The following VPS41 variants were observed in gnomAD, a reference collection of about 807,000 sequenced individuals.
The protein encoded by VPS41 is vacuolar protein sorting-associated protein 41 homolog.
Under a neutral mutation model 130.9 loss-of-function variants are expected in VPS41, and 85 were observed. The ratio of observed to expected loss-of-function variants is 0.65; its 90% CI spans 0.55 to 0.78. The LOEUF (loss-of-function observed/expected upper bound fraction) is 0.78, where lower values mean the gene tolerates loss of function less well. Ranked by LOEUF, VPS41 falls within the 30% of genes least tolerant of loss-of-function variation. The probability of loss-of-function intolerance (pLI) is 0.00; values close to 1 mark genes in which losing one functional copy is unlikely to be tolerated. For missense variants in VPS41, 874 were observed against 1,018.7 expected (o/e 0.86, Z 1.93); for synonymous variants, 335 against 332.9 (o/e 1.01, Z -0.07).
At chr7:38,777,715 T>C (rs952314301) in intron 10 of VPS41, among the ~76,000 whole-genome samples, 3 of 152,186 alleles carry the variant, frequency 2.0e-5, no homozygotes, top group Admixed American at 2.0e-4. Flanking sequence ...TCTCCACGGT[T>C]CTGTGGTATT....
intron 7 of VPS41, among the ~76,000 whole-genome samples, chr7:38,812,346 A>G (rs1474778365): frequency 1.3e-5 from 2 of 152,168 alleles, no homozygotes. Context: ...TTCACATGCA[A>G]AAGAATAAAT....
intron 3 of VPS41, among the ~76,000 whole-genome samples, chr7:38,867,381 C>T (rs912058289): frequency 1.5e-4 from 23 of 151,422 alleles, no homozygotes; most frequent in Admixed American, 6.6e-5. Flanking sequence ...CCTGTCTCTA[C>T]TAAAAATATA....
chr7:38,776,323 C>T (rs1383031682), intron 11 of VPS41, among the ~76,000 whole-genome samples: 1 of 152,144 alleles, frequency 6.6e-6, no homozygotes, highest in African/African-American at 2.4e-5. Context: ...CCACAGGGAC[C>T]CCTGTTGTTG....
intron 10 of VPS41, among the ~76,000 whole-genome samples, chr7:38,779,953 A>G (rs1784326575): frequency 6.6e-6 from 1 of 152,194 alleles, no homozygotes; most frequent in African/African-American, 2.4e-5. Flanking sequence ...CTAAAATTCT[A>G]TTCTATTCCA....
chr7:38,830,938 G>C (rs553128554), intron 4 of VPS41, among the ~76,000 whole-genome samples: 1 of 152,344 alleles, frequency 6.6e-6, no homozygotes, highest in South Asian at 2.1e-4. Context: ...AGAGAAAAGA[G>C]AGGAGCCAGG....
At chr7:38,802,554 G>T (rs1054375059) in intron 7 of VPS41, among the ~76,000 whole-genome samples, 2 of 152,092 alleles carry the variant, frequency 1.3e-5, no homozygotes, top group Non-Finnish European at 2.9e-5. Context: ...ACTCTCCATT[G>T]GCTTTTTTAT....
chr7:38,778,779 T>C (rs1017361644), intron 10 of VPS41, among the ~76,000 whole-genome samples: 2 of 152,156 alleles, frequency 1.3e-5, no homozygotes, highest in Admixed American at 6.5e-5. Flanking sequence ...GAGAAGGAGG[T>C]ATTCTCCCCA....
intron 4 of VPS41, among the ~76,000 whole-genome samples, chr7:38,840,758 G>A (rs1277645769): frequency 1.3e-5 from 2 of 152,158 alleles, no homozygotes; most frequent in Non-Finnish European, 2.9e-5. Context: ...GTCCCCATTA[G>A]CAAATGGAAA....
At chr7:38,789,668 G>C in intron 10 of VPS41, 133 bp downstream of exon 10, 1 of 755,838 alleles carries the variant, frequency 1.3e-6, no homozygotes, top group Non-Finnish European at 2.2e-6. Flanking sequence ...ATTCACAGTG[G>C]AAGAAGATAA....
chr7:38,838,740 A>G (rs1026637546), intron 4 of VPS41, among the ~76,000 whole-genome samples: 2 of 152,244 alleles, frequency 1.3e-5, no homozygotes, highest in African/African-American at 2.4e-5. Context: ...TAAAATTACC[A>G]ACATGTACAC....
At chr7:38,792,649 G>A (rs972334095) in intron 9 of VPS41, among the ~76,000 whole-genome samples, 6 of 152,080 alleles carry the variant, frequency 3.9e-5, no homozygotes, top group Admixed American at 2.6e-4. Flanking sequence ...CCCCTTTGCC[G>A]TTTAGCTCCA....
rs796540659 is a variant in VPS41, at chr7:38,745,012, A to AGAG, written c.1981+546_1981+547insCTC. 9.2e-5 allele frequency among the ~76,000 whole-genome samples: 14 copies of AGAG among 152,302 alleles called. 1 individual carries two copies. The highest frequency in any genetic ancestry group is 3.4e-4 in the African/African-American group (14 of 41,570). On this transcript the variant is annotated intron_variant, in intron 23 of 28. Coordinates refer to ENST00000310301, the MANE Select transcript of VPS41 (RefSeq NM_014396.4). ...CACATTGTTGTCATGCACGTGGCTC[A>AGAG]TTTTGGAAGAATGTGAAAAGATGAC... is the stretch of plus-strand genomic sequence containing the variant.
chr7:38,908,971 C>G (rs1787328055), intron 1 of VPS41, among the ~76,000 whole-genome samples, 183 bp downstream of exon 1: 1 of 152,182 alleles, frequency 6.6e-6, no homozygotes, highest in Admixed American at 6.5e-5. Flanking sequence ...AGGTGCCCTC[C>G]CGGGGCTGGC....
chr7:38,751,854 ACT>A (rs1456330962), intron 22 of VPS41, among the ~76,000 whole-genome samples: 4 of 152,152 alleles, frequency 2.6e-5, no homozygotes, highest in Non-Finnish European at 2.9e-5. Flanking sequence ...CTGAGGTGTC[ACT>A]CTGATCCTGG....
At chr7:38,902,343 G>A (rs923506888) in intron 1 of VPS41, among the ~76,000 whole-genome samples, 18 of 152,100 alleles carry the variant, frequency 1.2e-4, no homozygotes, top group African/African-American at 4.1e-4. Flanking sequence ...CCACAAACCT[G>A]TGACCCTCCA....
At chr7:38,815,258 T>C (rs1785022035) in intron 7 of VPS41, among the ~76,000 whole-genome samples, 1 of 151,988 alleles carries the variant, frequency 6.6e-6, no homozygotes, top group Non-Finnish European at 1.5e-5. Context: ...ACCCCATCTC[T>C]ACTAACAATA....
chr7:38,765,743 T>C (rs1784027191), intron 15 of VPS41, 82 bp from the exon 16 acceptor site: 5 of 872,214 alleles, frequency 5.7e-6, no homozygotes, highest in Non-Finnish European at 8.9e-6. Flanking sequence ...AAGTAGACAT[T>C]TTCCCCAGAG....
intron 1 of VPS41, among the ~76,000 whole-genome samples, chr7:38,906,814 T>C (rs930412843): frequency 6.6e-6 from 1 of 152,198 alleles, no homozygotes; most frequent in African/African-American, 2.4e-5. Flanking sequence ...GGTTCTTACA[T>C]ATATTTTAAA....
chr7:38,766,639 C>A (rs528010609), intron 15 of VPS41, among the ~76,000 whole-genome samples: 1 of 152,266 alleles, frequency 6.6e-6, no homozygotes, highest in African/African-American at 2.4e-5. Flanking sequence ...AACATTAATC[C>A]CCACATCATG....
Sources: gnomAD v4.1 joint callset for allele counts (sites outside exome capture counted in the v4.1 genomes callset) on GRCh38, gnomAD v4.1.1 for gene constraint, MANE v1.5 for transcripts, NCBI Gene and HGNC (gene_info 2026-07-23, HGNC 2026-07-21) for gene names.